SPON1: variants seen among roughly 807,000 people sequenced by gnomAD.
SPON1 encodes spondin-1.
A neutral mutation model predicts 111.7 loss-of-function variants in SPON1; 52 were observed. The observed-to-expected ratio is 0.47, with a 90% CI of 0.37 to 0.59. The LOEUF (loss-of-function observed/expected upper bound fraction) is 0.59. SPON1 is among the 20% of genes least tolerant of loss of function. The pLI is 0.00. For synonymous variants in SPON1, 410 were observed against 395.8 expected (o/e 1.04, Z -0.43); for missense variants, 957 against 1,068.5 (o/e 0.90, Z 1.46).
At chr11:14,126,437 C>A (rs1463992383) in intron 5 of SPON1, among the ~76,000 whole-genome samples, 1 of 152,210 alleles carries the variant, frequency 6.6e-6, no homozygotes, top group Non-Finnish European at 1.5e-5. Flanking sequence ...GAGGTTACTA[C>A]ACATATACTC....
At chr11:14,244,537 C>A (rs1554940025) in intron 7 of SPON1, among the ~76,000 whole-genome samples, 1 of 149,588 alleles carries the variant, frequency 6.7e-6, no homozygotes, top group Non-Finnish European at 1.5e-5. Context: ...AAAAAGAATC[C>A]AAATCCTCCA....
intron 5 of SPON1, among the ~76,000 whole-genome samples, chr11:14,106,334 G>A (rs1849184065): frequency 6.6e-6 from 1 of 152,012 alleles, no homozygotes; most frequent in Non-Finnish European, 1.5e-5. Flanking sequence ...TATAGGAGGG[G>A]GAATATCAAA....
Position 14,042,877 on chromosome 11 carries a change from A to G in SPON1, c.479+1223A>G, listed in dbSNP as rs535464109. Among the ~76,000 whole-genome samples the G allele has an allele frequency of 1.8e-3, 278 of 152,222 alleles. 1 individual carries two copies. Among genetic ancestry groups the G allele is most frequent in the Non-Finnish European group, 3.0e-3 (204 of 68,016 alleles). The stretch of plus-strand genomic sequence containing the variant: ...AAGCATCTGTCCATTGTCCAGACTC[A>G]CCCGTCATTGTCTGGCCTCCCTTTG... On this transcript the variant is annotated intron_variant, in intron 3 of 15. Transcript: ENST00000576479.
intron 3 of SPON1, among the ~76,000 whole-genome samples, chr11:14,068,640 A>T (rs1167259229): frequency 1.3e-5 from 2 of 152,184 alleles, no homozygotes; most frequent in Non-Finnish European, 2.9e-5. Flanking sequence ...TTAAAAACTT[A>T]GTCTCTAGGA....
At chr11:14,256,585 T>C (rs782678632) in intron 9 of SPON1, 32 bp from the exon 10 acceptor site, 2 of 1,492,684 alleles carry the variant, frequency 1.3e-6, no homozygotes, top group Non-Finnish European at 9.3e-7. Flanking sequence ...CTTTCTCTCA[T>C]GTGAGCCCTC....
intron 6 of SPON1, among the ~76,000 whole-genome samples, chr11:14,190,994 A>G (rs1848342129): frequency 6.6e-6 from 1 of 152,096 alleles, no homozygotes; most frequent in Admixed American, 6.5e-5. Context: ...AAAAGCACTT[A>G]CAATCCCATC....
At chr11:13,964,822 A>T (rs1848004041) in intron 1 of SPON1, among the ~76,000 whole-genome samples, 2 of 152,230 alleles carry the variant, frequency 1.3e-5, no homozygotes, top group Admixed American at 6.5e-5. Context: ...TCAGTGGCCT[A>T]TTCGGCCCTC....
At chr11:14,011,774 T>C (rs898291494) in intron 2 of SPON1, among the ~76,000 whole-genome samples, 11 of 152,060 alleles carry the variant, frequency 7.2e-5, no homozygotes, top group Admixed American at 7.2e-4. Context: ...TGGATGAGGA[T>C]GGAAGAGGAG....
chr11:14,091,789 G>A (rs1389522022), intron 5 of SPON1, among the ~76,000 whole-genome samples: 4 of 152,232 alleles, frequency 2.6e-5, no homozygotes, highest in African/African-American at 9.6e-5. Flanking sequence ...GTGCAGTGGG[G>A]GGCTGAAGGG....
intron 2 of SPON1, among the ~76,000 whole-genome samples, chr11:14,017,612 G>A (rs1205680795): frequency 2.0e-5 from 3 of 152,192 alleles, no homozygotes; most frequent in Admixed American, 2.0e-4. Context: ...CAGATGAAAA[G>A]TTAGAGGTTG....
chr11:14,084,555 G>A (rs1192072391), intron 5 of SPON1, among the ~76,000 whole-genome samples: 2 of 152,146 alleles, frequency 1.3e-5, no homozygotes, highest in African/African-American at 4.8e-5. Context: ...TCACTGATGG[G>A]CATTTGGGTT....
At chr11:14,163,809 T>C (rs1554931639) in intron 6 of SPON1, among the ~76,000 whole-genome samples, 1 of 152,152 alleles carries the variant, frequency 6.6e-6, no homozygotes. Context: ...GTCCTCCATA[T>C]TGATTCCTGA....
At chr11:14,218,773 G>A (rs1027550183) in intron 6 of SPON1, among the ~76,000 whole-genome samples, 22 of 152,188 alleles carry the variant, frequency 1.4e-4, no homozygotes, top group African/African-American at 5.3e-4. Context: ...ACCCACATTA[G>A]GAACAGCCTA....
intron 2 of SPON1, among the ~76,000 whole-genome samples, chr11:14,006,636 CCTCTCCT>C (rs1554913172): frequency 6.6e-6 from 1 of 152,024 alleles, no homozygotes; most frequent in African/African-American, 2.4e-5. Flanking sequence ...CCACCACTGC[CCTCTCCT>C]CTCTCCTCTT....
intron 2 of SPON1, among the ~76,000 whole-genome samples, chr11:14,029,146 A>C (rs553921662): frequency 6.2e-5 from 9 of 145,568 alleles, no homozygotes; most frequent in Admixed American, 4.8e-4. Flanking sequence ...CACACACACA[A>C]GCATGTGTGT....
At chr11:14,231,950 T>G (rs1315777920) in intron 6 of SPON1, among the ~76,000 whole-genome samples, 2 of 150,462 alleles carry the variant, frequency 1.3e-5, no homozygotes, top group Non-Finnish European at 3.0e-5. Context: ...GTCATTCTTT[T>G]TGTTTCTCTC....
At chr11:14,210,384 TTTTTG>T (rs1848563261) in intron 6 of SPON1, among the ~76,000 whole-genome samples, 2 of 151,340 alleles carry the variant, frequency 1.3e-5, no homozygotes, top group African/African-American at 4.9e-5. Flanking sequence ...TTTTTTTTTT[TTTTTG>T]TTTTTTGTTT....
chr11:14,214,995 A>T (rs1292144080), intron 6 of SPON1, among the ~76,000 whole-genome samples: 1 of 152,180 alleles, frequency 6.6e-6, no homozygotes, highest in East Asian at 1.9e-4. Context: ...TGGCTCATTC[A>T]TGTCATCAGG....
In SPON1 at chr11:14,092,488, G is replaced by T. The variant is rs146514523; in HGVS notation, c.676+12467G>T. 1.7e-3 allele frequency among the ~76,000 whole-genome samples: 264 copies of T among 152,250 alleles called. 1 individual carries two copies. The highest frequency in any genetic ancestry group is 5.5e-3 in the African/African-American group (227 of 41,556). ...AATTTACGTTGGACACTATAGGAAG[G>T]ATGGGGCAATACCCAGTCTCTGCAG... On this transcript the variant is annotated intron_variant, in intron 5 of 15. Transcript: ENST00000576479.
Sources: allele counts gnomAD v4.1 joint callset (sites outside exome capture counted in the v4.1 genomes callset), GRCh38; gene constraint gnomAD v4.1.1; transcripts MANE v1.5; gene names NCBI Gene and HGNC (gene_info 2026-07-23, HGNC 2026-07-21).